The following MAPT variants were observed in gnomAD, a reference collection of about 807,000 sequenced individuals.
MAPT encodes the protein microtubule associated protein tau.
In MAPT, 34 loss-of-function variants were observed where a neutral mutation model predicts 67.9. That is an observed-to-expected ratio of 0.50 (90% CI 0.38 to 0.67). MAPT has a LOEUF of 0.67. MAPT is among the 30% of genes least tolerant of loss of function. MAPT has a pLI of 0.00. For missense variants in MAPT, 881 were observed against 1,115.2 expected, an observed-to-expected ratio of 0.79 and a Z score of 2.99; for synonymous variants, 456 against 464.5, an observed-to-expected ratio of 0.98 and a Z score of 0.23.
intron 5 of MAPT, among the ~76,000 whole-genome samples, chr17:45,985,908 A>G (rs1289931060): frequency 1.3e-5 from 2 of 152,216 alleles, no homozygotes; most frequent in Non-Finnish European, 2.9e-5. Flanking sequence ...TGGTCCCTCT[A>G]GAAATCCAGG....
chr17:46,024,398 A>G lies in MAPT; in HGVS notation c.*227A>G. On this transcript the variant is annotated 3_prime_UTR_variant, in exon 13 of 13. Coordinates refer to ENST00000262410, the MANE Select transcript of MAPT (RefSeq NM_001377265.1). ...ATCTTTCCAAATTGATGGGTGGGCTAGTAATAAAATATTTAAAAAAAAACA... is the reference window on the plus strand; with the variant it reads ...ATCTTTCCAAATTGATGGGTGGGCTGGTAATAAAATATTTAAAAAAAAACA... 1.7e-6 allele frequency: 1 copy of G among 591,448 alleles called. No individual in the cohort carries two copies. The highest frequency in any genetic ancestry group is 3.0e-6 in the Non-Finnish European group (1 of 331,624). 36.6% of individuals were successfully genotyped at this position (591,448 alleles called of 1,614,324 possible).
chr17:45,963,512 G>A (rs2070694556), intron 2 of MAPT, among the ~76,000 whole-genome samples: 2 of 152,196 alleles, frequency 1.3e-5, no homozygotes, highest in African/African-American at 4.8e-5. Context: ...GGCAGTGAGT[G>A]CTCACAGCAA....
At chr17:45,904,309 A>ATTTTTATATAT (rs2064092214) in intron 1 of MAPT, among the ~76,000 whole-genome samples, 6 of 35,976 alleles carry the variant, frequency 1.7e-4, no homozygotes, top group Non-Finnish European at 2.6e-4. Flanking sequence ...TAATATATAT[A>ATTTTTATATAT]AAAACATATA....
Position 45,983,699 on chromosome 17 carries a change from C to A in MAPT, c.1120C>A (p.Leu374Met), listed in dbSNP as rs1568279740. The A allele has an allele frequency of 5.0e-6, 8 of 1,614,016 alleles. 1 individual carries two copies. The highest frequency in any genetic ancestry group is 3.3e-4 in the Middle Eastern group (2 of 6,084). Residue 374 changes from leucine (L) to methionine (M), a missense_variant, in exon 5 of 13, where the codon CTG (leucine) becomes ATG (methionine). Around this residue, in one of 6 missense-constraint regions of MAPT, gnomAD observed 687 missense variants for 766.1 expected, o/e 0.90. Transcript: ENST00000262410. The stretch of plus-strand genomic sequence containing the variant: ...GCGGGCCAAAGGGCAGGATGCCCCC[C>A]TGGAGTTCACGTTTCACGTGGAAAT... ...VGRAKGQDAP[L>M]EFTFHVEITP... is the part of the protein sequence containing the mutation.
At chr17:45,993,081 C>T (rs555106421) in intron 8 of MAPT, among the ~76,000 whole-genome samples, 5 of 152,216 alleles carry the variant, frequency 3.3e-5, no homozygotes, top group East Asian at 1.9e-4. Flanking sequence ...GCACTTGCTG[C>T]GGGCTGTGAC....
intron 7 of MAPT, among the ~76,000 whole-genome samples, chr17:45,991,003 T>C (rs1016058724): frequency 2.0e-5 from 3 of 152,194 alleles, no homozygotes; most frequent in African/African-American, 7.2e-5. Context: ...CCTAGCTCTC[T>C]TTAGCATCCT....
chr17:45,988,409 TCTC>T (rs1261801646), intron 6 of MAPT, among the ~76,000 whole-genome samples: 2 of 151,838 alleles, frequency 1.3e-5, no homozygotes, highest in African/African-American at 4.8e-5. Flanking sequence ...AACACCCCCT[TCTC>T]CTCCAGGGCC....
chr17:46,007,904 A>AT (rs150864347), intron 9 of MAPT, among the ~76,000 whole-genome samples: 11 of 149,998 alleles, frequency 7.3e-5, no homozygotes, highest in Admixed American at 1.3e-4. Context: ...GGCTGTTTGT[A>AT]TTTTTTTTTT....
In MAPT at chr17:45,971,782, T is replaced by C; in HGVS notation, c.134-77T>C. ...GATTTTCAGCTCCACAGGACACTGC[T>C]CCCCAGTTCCTCCTGAGAACAAAAG... On this transcript the variant is annotated intron_variant, in intron 2 of 12. Transcript: ENST00000262410. This position sits in a 1 kb window ranked among gnomAD's most constrained non-coding sequence, Gnocchi z 4.3. 9.7e-7 allele frequency: 1 copy of C among 1,032,300 alleles called. No homozygotes were observed. The highest frequency in any genetic ancestry group is 1.5e-6 in the Non-Finnish European group (1 of 653,168). 63.9% of individuals were successfully genotyped at this position (1,032,300 alleles called of 1,614,324 possible).
rs531910037 is a variant in MAPT, at chr17:46,013,378, G to GC, written c.2092-859dup. ...TGCCACTGTGGAGTCCCTACAGCGT[G>GC]CCCCCCACAGGGGAGCTGGTTCTTT... On this transcript the variant is annotated intron_variant, in intron 10 of 12. Transcript: ENST00000262410. Among the ~76,000 whole-genome samples, 18 of 152,318 alleles carry GC rather than the reference G, an allele frequency of 1.2e-4. No homozygotes were observed. The South Asian group carries it at 3.7e-3, about 32-fold the overall frequency.
chr17:45,990,580 G>A, intron 7 of MAPT: 1 of 370,896 alleles, frequency 2.7e-6, no homozygotes, highest in South Asian at 1.9e-5. Flanking sequence ...TTGGGCGACA[G>A]AGCAAGACCC....
At chr17:45,965,469 G>A (rs1420618637) in intron 2 of MAPT, among the ~76,000 whole-genome samples, 2 of 151,734 alleles carry the variant, frequency 1.3e-5, no homozygotes, top group Admixed American at 1.3e-4. Flanking sequence ...AGGCTGGAGT[G>A]TAGTGGCGCC....
intron 1 of MAPT, among the ~76,000 whole-genome samples, chr17:45,952,595 G>C (rs2069194663): frequency 6.6e-6 from 1 of 152,068 alleles, no homozygotes; most frequent in East Asian, 1.9e-4. Flanking sequence ...GACCAGCCTG[G>C]GCAACATAGT....
intron 9 of MAPT, among the ~76,000 whole-genome samples, chr17:46,006,657 G>T (rs1418258727): frequency 6.6e-6 from 1 of 152,144 alleles, no homozygotes; most frequent in Admixed American, 6.5e-5. Context: ...GCTCACGCCT[G>T]TAATCCCAGC....
At chr17:45,937,607 AAAAG>A (rs1187760519) in intron 1 of MAPT, among the ~76,000 whole-genome samples, 2 of 151,626 alleles carry the variant, frequency 1.3e-5, no homozygotes, top group Admixed American at 6.6e-5. Context: ...AAGAAAAAAA[AAAAG>A]AAAGGAGAGA....
rs757797968 is a variant in MAPT at position 46,023,980 on chromosome 17, C to T, written c.2311C>T (p.Arg771Cys). The T allele has an allele frequency of 1.9e-6, 3 of 1,614,126 alleles. No homozygotes were observed. Among genetic ancestry groups the T allele is most frequent in the Non-Finnish European group, 2.5e-6 (3 of 1,180,038 alleles). ...KKIETHKLTFRENAKAKTDHG... is the reference protein window; with the variant it reads ...KKIETHKLTFCENAKAKTDHG... ...GATTGAAACCCACAAGCTGACCTTCCGCGAGAACGCCAAAGCCAAGACAGA... is the reference window on the plus strand; with the variant it reads ...GATTGAAACCCACAAGCTGACCTTCTGCGAGAACGCCAAAGCCAAGACAGA... Residue 771 changes from arginine to cysteine, a missense_variant, in exon 13 of 13, where the codon CGC becomes TGC. This residue lies in a region of MAPT where 79 missense variants were observed against 150.9 expected (regional missense o/e 0.52). Coordinates refer to ENST00000262410, the MANE Select transcript of MAPT (RefSeq NM_001377265.1).
intron 3 of MAPT, chr17:45,975,856 G>C (rs534384177): frequency 6.6e-6 from 1 of 152,230 alleles, no homozygotes; most frequent in East Asian, 1.9e-4. Flanking sequence ...GTTGGTCCTG[G>C]TGTGAGCTGC....
chr17:45,992,601 A>G lies in MAPT; in HGVS notation c.1732+1015A>G, dbSNP rs541669864. Among the ~76,000 whole-genome samples, 3 of 152,238 alleles carry G rather than the reference A, an allele frequency of 2.0e-5. No homozygotes were observed. In the South Asian group the frequency reaches 6.2e-4, roughly 32 times the overall value. On this transcript the variant is annotated intron_variant, in intron 8 of 12. Coordinates refer to ENST00000262410, the MANE Select transcript of MAPT (RefSeq NM_001377265.1). ...TGCAGCCAGGAGTGCTATTAAGAAC[A>G]GTCGCGGCTGGGCGTGGTGGCTCAT... is the stretch of plus-strand genomic sequence containing the variant.
At chr17:45,934,772 C>A (rs2067167320) in intron 1 of MAPT, among the ~76,000 whole-genome samples, 1 of 152,184 alleles carries the variant, frequency 6.6e-6, no homozygotes, top group Non-Finnish European at 1.5e-5. Context: ...CCTTGACTAG[C>A]TGAGTGACTT....
Sources: allele counts gnomAD v4.1 joint callset (sites outside exome capture counted in the v4.1 genomes callset), GRCh38; gene constraint gnomAD v4.1.1; regional missense constraint gnomAD v4.1.1; non-coding constraint Gnocchi (gnomAD v3.1); transcripts MANE v1.5; gene names NCBI Gene and HGNC (gene_info 2026-07-23, HGNC 2026-07-21).